Variants in OMA1 observed in about 807,000 individuals in gnomAD.
OMA1 encodes the protein OMA1 zinc metallopeptidase.
A neutral mutation model predicts 30.9 loss-of-function variants in OMA1; 38 were observed. The observed-to-expected ratio is 1.23, with a 90% CI of 0.95 to 1.61. The LOEUF is 1.61. Ranked by LOEUF, OMA1 falls within the 40% of genes most tolerant of loss-of-function variation. The pLI is 0.00. For missense variants in OMA1, 461 were observed against 349.2 expected (o/e 1.32, Z -2.55); for synonymous variants, 173 against 121.9 (o/e 1.42, Z -2.76).
intron 8 of OMA1, among the ~76,000 whole-genome samples, chr1:58,487,729 A>C (rs965812080): frequency 6.6e-6 from 1 of 152,188 alleles, no homozygotes; most frequent in African/African-American, 2.4e-5. Context: ...TAATTTGAGA[A>C]GCTTCATTCT....
At chr1:58,544,330 G>A (rs200075233) in intron 1 of OMA1, among the ~76,000 whole-genome samples, 1 of 152,070 alleles carries the variant, frequency 6.6e-6, no homozygotes, top group East Asian at 1.9e-4. Flanking sequence ...GGATGCTAGA[G>A]ATACTGCAGA....
intron 8 of OMA1, among the ~76,000 whole-genome samples, chr1:58,490,805 T>G (rs1248573607): frequency 2.5e-5 from 3 of 121,094 alleles, no homozygotes; most frequent in Admixed American, 2.5e-4. Context: ...CTTTTTTTTT[T>G]TTTTTTTTTT....
chr1:58,538,659 CA>C, intron 2 of OMA1, 135 bp downstream of exon 2: 1 of 498,480 alleles, frequency 2.0e-6, no homozygotes, highest in Non-Finnish European at 3.5e-6. Flanking sequence ...TGGGGGGAGA[CA>C]GGGGATCTGG....
chr1:58,519,587 A>G (rs1646228550), intron 7 of OMA1, among the ~76,000 whole-genome samples: 1 of 152,064 alleles, frequency 6.6e-6, no homozygotes, highest in Non-Finnish European at 1.5e-5. Flanking sequence ...GAAAAAAAAA[A>G]TATATCATTC....
intron 1 of OMA1, chr1:58,541,411 G>A (rs1158870294): frequency 3.4e-5 from 5 of 146,070 alleles, no homozygotes; most frequent in African/African-American, 1.3e-4. Flanking sequence ...CTAATCCATA[G>A]TGACAGAGAG....
intron 8 of OMA1, among the ~76,000 whole-genome samples, chr1:58,503,058 C>G (rs1379953616): frequency 1.3e-5 from 2 of 152,150 alleles, no homozygotes; most frequent in African/African-American, 4.8e-5. Context: ...TTTTACCTCT[C>G]CGAAGATGCT....
At chr1:58,524,034 T>C (rs1488495263) in intron 7 of OMA1, among the ~76,000 whole-genome samples, 15 of 152,232 alleles carry the variant, frequency 9.9e-5, no homozygotes, top group Non-Finnish European at 1.5e-5. Flanking sequence ...ACCAAAAGAC[T>C]GGCAGCTGGT....
intron 1 of OMA1, among the ~76,000 whole-genome samples, chr1:58,542,903 T>C (rs1646643474): frequency 6.6e-6 from 1 of 152,000 alleles, no homozygotes; most frequent in Non-Finnish European, 1.5e-5. Flanking sequence ...CACAGGAATA[T>C]AAGGGCATGT....
At chr1:58,506,278 AT>A (rs370563888) in intron 7 of OMA1, 69 bp from the exon 8 acceptor site, 257 of 711,910 alleles carry the variant, frequency 3.6e-4, no homozygotes, top group South Asian at 4.9e-4. Flanking sequence ...CTACTACTTT[AT>A]TTTTTTTTAA....
chr1:58,481,795 G>A (rs1227516452), intron 8 of OMA1, among the ~76,000 whole-genome samples: 1 of 152,050 alleles, frequency 6.6e-6, no homozygotes, highest in African/African-American at 2.4e-5. Flanking sequence ...TTTATAAAGG[G>A]CAGTTCCCCC....
chr1:58,482,393 A>T (rs1645502932), intron 8 of OMA1, among the ~76,000 whole-genome samples: 1 of 152,260 alleles, frequency 6.6e-6, no homozygotes, highest in Non-Finnish European at 1.5e-5. Context: ...TGCTGATTTA[A>T]GTAACTAGCC....
chr1:58,537,441 C>T (rs1646535291), intron 2 of OMA1, among the ~76,000 whole-genome samples: 1 of 152,076 alleles, frequency 6.6e-6, no homozygotes, highest in African/African-American at 2.4e-5. Context: ...CTCTTTACAA[C>T]GTGAAAAAGG....
rs536212094 is a variant in OMA1 at position 58,545,859 on chromosome 1, G to C, written c.-17+844C>G. 2.6e-5 allele frequency among the ~76,000 whole-genome samples: 4 copies of C among 152,286 alleles called. No individual in the cohort carries two copies. In the South Asian group the frequency reaches 8.3e-4, roughly 32 times the overall value. On this transcript the variant is annotated intron_variant, in intron 1 of 8. Coordinates refer to ENST00000371226, the MANE Select transcript of OMA1 (RefSeq NM_145243.5). ...AAGCAAAGTACACACATGATGGAAG[G>C]CTTTAAAAAAGAATTGGACGGCAGC...
intron 1 of OMA1, among the ~76,000 whole-genome samples, chr1:58,545,176 AAAGAAAG>A (rs1164911632): frequency 2.0e-5 from 3 of 152,164 alleles, no homozygotes; most frequent in Non-Finnish European, 2.9e-5. Context: ...CCCCACAGAA[AAAGAAAG>A]CTCTCATCTC....
intron 8 of OMA1, among the ~76,000 whole-genome samples, chr1:58,491,859 G>A (rs1179162782): frequency 1.3e-5 from 2 of 152,158 alleles, no homozygotes; most frequent in Admixed American, 1.3e-4. Flanking sequence ...AGATCAATGA[G>A]ACAAAAAGTT....
intron 8 of OMA1, among the ~76,000 whole-genome samples, chr1:58,492,008 G>C (rs1234462267): frequency 6.6e-6 from 1 of 152,098 alleles, no homozygotes; most frequent in Non-Finnish European, 1.5e-5. Context: ...TGACCACATA[G>C]TTGGAAGTAA....
chr1:58,493,934 T>A (rs338258), intron 8 of OMA1, among the ~76,000 whole-genome samples: 46,004 of 129,120 alleles, frequency 0.36, 12,727 homozygotes, highest in African/African-American at 0.67. Context: ...GTTCATATGG[T>A]ACCAAAAAAG....
chr1:58,538,936 G>A lies in OMA1; in HGVS notation c.359C>T (p.Ser120Leu). The stretch of plus-strand genomic sequence containing the variant: ...AGCAGGGCTTAGAGGATGCAATACT[G>A]ACAGACTAGGGACTGCTGTAACTTC... ...IKEVTAVPSL[S>L]VLHPLSPASI... Residue 120 changes from serine (S) to leucine (L), a missense_variant, in exon 2 of 9, where the codon TCA (serine) becomes TTA (leucine). Ser to Leu is a moderately radical substitution (Grantham distance 145, BLOSUM62 -2). Coordinates refer to ENST00000371226, the MANE Select transcript of OMA1 (RefSeq NM_145243.5). The A allele has an allele frequency of 2.3e-6, 2 of 872,898 alleles. No individual in the cohort carries two copies. The highest frequency in any genetic ancestry group is 2.0e-6 in the Non-Finnish European group (1 of 501,636). 54.1% of individuals were successfully genotyped at this position (872,898 alleles called of 1,614,324 possible). A position where few individuals can be genotyped will look rare whatever the true frequency, so the allele number is the denominator to read the frequency against.
intron 8 of OMA1, among the ~76,000 whole-genome samples, chr1:58,503,838 C>T (rs1464086327): frequency 6.6e-6 from 1 of 152,156 alleles, no homozygotes. Context: ...ATTATTGCAA[C>T]CTGAACAAAC....
Sources: gnomAD v4.1 joint callset for allele counts (sites outside exome capture counted in the v4.1 genomes callset) on GRCh38, gnomAD v4.1.1 for gene constraint, MANE v1.5 for transcripts, NCBI Gene and HGNC (gene_info 2026-07-23, HGNC 2026-07-21) for gene names.